CNDP2: variants seen among roughly 807,000 people sequenced by gnomAD.
CNDP2 encodes carnosine dipeptidase 2, also known as cytosolic non-specific dipeptidase.
Under a neutral mutation model 55.0 loss-of-function variants are expected in CNDP2, and 38 were observed. The ratio of observed to expected loss-of-function variants is 0.69; its 90% CI spans 0.53 to 0.90. The LOEUF is 0.90. CNDP2 is among the 40% of genes least tolerant of loss of function. The pLI, the probability that CNDP2 is intolerant of heterozygous loss-of-function variation, is 0.00. For synonymous variants in CNDP2, 241 were observed against 260.2 expected, an observed-to-expected ratio of 0.93 and a Z score of 0.71; for missense variants, 607 against 621.7, an observed-to-expected ratio of 0.98 and a Z score of 0.25.
intron 2 of CNDP2, 137 bp from the exon 3 acceptor site, chr18:74,501,192 T>C (rs746304988): frequency 6.9e-7 from 1 of 1,439,146 alleles, no homozygotes; most frequent in African/African-American, 1.4e-5. Context: ...ACGTGATGGG[T>C]CTGTCCTATT....
rs1386525216 is a variant in CNDP2 at position 74,512,511 on chromosome 18, ACTGATCTCATTTTG to A, written c.727_740del (p.Leu243GlyfsTer16). On this transcript the variant is annotated frameshift_variant, in exon 7 of 12. Transcript: ENST00000324262. LOFTEE classifies it high-confidence loss of function. Reference sequence around the variant, plus strand: ...CGGGGGCTCGGTGCATGAGGCCATGACTGATCTCATTTTGCTGATGGGTAAGTGCGGGATGGCAT... The same window carrying A: ...CGGGGGCTCGGTGCATGAGGCCATGACTGATGGGTAAGTGCGGGATGGCAT... 6.2e-7 allele frequency: 1 copy of A among 1,613,886 alleles called. No individual in the cohort carries two copies. Among genetic ancestry groups the A allele is most frequent in the Admixed American group, 1.7e-5 (1 of 60,000 alleles).
At chr18:74,518,743 G>C in intron 10 of CNDP2, 103 bp downstream of exon 10, 2 of 1,502,142 alleles carry the variant, frequency 1.3e-6, no homozygotes, top group South Asian at 2.4e-5. Flanking sequence ...GGGCGCTGCT[G>C]TATCGTGGGG....
At chr18:74,512,744 G>A (rs1375557363) in intron 7 of CNDP2, among the ~76,000 whole-genome samples, 4 of 152,062 alleles carry the variant, frequency 2.6e-5, no homozygotes, top group African/African-American at 9.7e-5. Context: ...TCCTGTGCCT[G>A]TCACCACCTG....
In CNDP2 at chr18:74,512,467, AC is replaced by A; in HGVS notation, c.679del (p.Leu227SerfsTer14). The part of the protein sequence containing the change: ...FFIEVECSNK[D>X]LHSGVYGGSV... ...GTGCAGGTGGAGTGCAGCAACAAAG[AC>A]CTCCATTCTGGGGTGTACGGGGGCT... On this transcript the variant is annotated frameshift_variant, in exon 7 of 12. Coordinates refer to ENST00000324262, the MANE Select transcript of CNDP2 (RefSeq NM_018235.3). LOFTEE classifies it high-confidence loss of function. The A allele has an allele frequency of 6.2e-7, 1 of 1,613,152 alleles. No homozygotes were observed. Among genetic ancestry groups the A allele is most frequent in the Non-Finnish European group, 8.5e-7 (1 of 1,179,606 alleles).
chr18:74,518,430 AGGT>A, intron 9 of CNDP2, 66 bp from the exon 10 acceptor site: 1 of 1,584,270 alleles, frequency 6.3e-7, no homozygotes, highest in East Asian at 2.2e-5. Context: ...GCAGACCCGT[AGGT>A]CACTAGCACT....
chr18:74,512,008 C>T (rs1979382051), intron 6 of CNDP2: 1 of 157,618 alleles, frequency 6.3e-6, no homozygotes, highest in Non-Finnish European at 1.4e-5. Context: ...GCGAGGAGGC[C>T]GGGCACTCAG....
At chr18:74,519,146 T>A in intron 11 of CNDP2, 50 bp downstream of exon 11, 9 of 1,538,860 alleles carry the variant, frequency 5.8e-6, no homozygotes, top group Non-Finnish European at 7.9e-6. Flanking sequence ...ACAGCGTCCC[T>A]CTCGCCCCTT....
intron 9 of CNDP2, 179 bp from the exon 10 acceptor site, chr18:74,518,320 C>T (rs1339931637): frequency 5.2e-6 from 3 of 579,890 alleles, no homozygotes; most frequent in Non-Finnish European, 6.0e-6. Flanking sequence ...TTATGTAGCT[C>T]AGTATTAAGC....
intron 8 of CNDP2, among the ~76,000 whole-genome samples, chr18:74,514,645 G>C (rs1293085995): frequency 5.9e-5 from 9 of 151,864 alleles, no homozygotes; most frequent in African/African-American, 2.2e-4. Context: ...AAGTTCTGCA[G>C]GCTGTAGGGT....
At chr18:74,501,542 C>G in intron 3 of CNDP2, 70 bp downstream of exon 3, 3 of 1,515,072 alleles carry the variant, frequency 2.0e-6, no homozygotes, top group Non-Finnish European at 2.7e-6. Flanking sequence ...CAAGACGCCA[C>G]AAGTTCTTAA....
intron 11 of CNDP2, among the ~76,000 whole-genome samples, 178 bp downstream of exon 11, chr18:74,519,274 C>T (rs1979915743): frequency 1.3e-5 from 2 of 152,190 alleles, no homozygotes; most frequent in Non-Finnish European, 2.9e-5. Flanking sequence ...CGAGGCCTTG[C>T]AGGAGAGGGG....
rs143393947 is a variant in CNDP2 at position 74,508,924 on chromosome 18, G to A, written c.452G>A (p.Gly151Asp). ...INALEAYQKT[G>D]QEIPVNVRFC... is the part of the protein sequence containing the mutation. ...GCCCTGGAAGCGTATCAGAAAACAG[G>A]CCAGGTATGCCCCCCACGCTGACTT... is the stretch of plus-strand genomic sequence containing the variant. The change falls in exon 5 of 12, where the codon GGC becomes GAC. Residue 151 changes from glycine to aspartate, a missense_variant. By Grantham distance (94) the Gly-to-Asp change is moderately conservative. Coordinates refer to ENST00000324262, the MANE Select transcript of CNDP2 (RefSeq NM_018235.3). 5.2e-5 allele frequency: 84 copies of A among 1,613,672 alleles called. No homozygotes were observed. The highest frequency in any genetic ancestry group is 7.0e-5 in the Non-Finnish European group (82 of 1,179,846).
intron 9 of CNDP2, chr18:74,518,127 G>A (rs144446650): frequency 0.013 from 2,106 of 159,642 alleles, 22 homozygotes; most frequent in Non-Finnish European, 0.017. Flanking sequence ...CGGGTGTGGT[G>A]GCGGGCGCCT....
chr18:74,512,442 G>T lies in CNDP2; in HGVS notation c.658-6G>T, dbSNP rs368623246. Reference sequence around the variant, plus strand: ...GCCAGACACAGTGGCCTTTGTTTCCGTGCAGGTGGAGTGCAGCAACAAAGA... The same window carrying T: ...GCCAGACACAGTGGCCTTTGTTTCCTTGCAGGTGGAGTGCAGCAACAAAGA... On this transcript the variant is annotated splice_region_variant and splice_polypyrimidine_tract_variant and intron_variant, in intron 6 of 11. Coordinates refer to ENST00000324262, the MANE Select transcript of CNDP2 (RefSeq NM_018235.3). 6.2e-7 allele frequency: 1 copy of T among 1,612,238 alleles called. No homozygotes were observed. Among genetic ancestry groups the T allele is most frequent in the Admixed American group, 1.7e-5 (1 of 59,840 alleles).
At chr18:74,511,232 A>G (rs1175069905) in intron 6 of CNDP2, 1 of 566,628 alleles carries the variant, frequency 1.8e-6, no homozygotes, top group African/African-American at 1.9e-5. Flanking sequence ...AGCAGCATCA[A>G]GGTAGGACAG....
At chr18:74,518,111 A>C (rs149434537) in intron 9 of CNDP2, 2,062 of 159,190 alleles carry the variant, frequency 0.013, 45 homozygotes, top group African/African-American at 0.045. Flanking sequence ...AAAGACAAAA[A>C]TTAGCCGGGT....
chr18:74,516,395 ATGTGGGGCTGGGACACGGGG>A lies in CNDP2; in HGVS notation c.1068+6_1068+25del. On this transcript the variant is annotated splice_donor_5th_base_variant and intron_variant, in intron 9 of 11. Coordinates refer to ENST00000324262, the MANE Select transcript of CNDP2 (RefSeq NM_018235.3). ...CTCCTGAAGTCGTCGGCGAGCAGGCATGTGGGGCTGGGACACGGGGTGGGGGCCAAGAGCTACTGTGTCCG... is the reference window on the plus strand; with the variant it reads ...CTCCTGAAGTCGTCGGCGAGCAGGCATGGGGGCCAAGAGCTACTGTGTCCG... 1.2e-6 allele frequency: 2 copies of A among 1,606,196 alleles called. No individual in the cohort carries two copies. Among genetic ancestry groups the A allele is most frequent in the Non-Finnish European group, 1.7e-6 (2 of 1,175,242 alleles).
intron 3 of CNDP2, 107 bp downstream of exon 3, chr18:74,501,579 T>C (rs1978703257): frequency 1.4e-6 from 2 of 1,404,992 alleles, no homozygotes; most frequent in Middle Eastern, 1.9e-4. Flanking sequence ...CATACCCCAC[T>C]CACCTTTAAA....
chr18:74,506,016 G>A lies in CNDP2; in HGVS notation c.367+5G>A, dbSNP rs1483480011. 6.4e-7 allele frequency: 1 copy of A among 1,564,716 alleles called. No individual in the cohort carries two copies. The highest frequency in any genetic ancestry group is 1.2e-5 in the South Asian group (1 of 83,504). On this transcript the variant is annotated splice_donor_5th_base_variant and intron_variant, in intron 4 of 11. Transcript: ENST00000324262. ...TCACCCTGGTGGAGCGAGACGGTGA[G>A]CGCCGCGCGCCTATGCGTGCCCAGA...
Sources: gnomAD v4.1 joint callset for allele counts (sites outside exome capture counted in the v4.1 genomes callset) on GRCh38, gnomAD v4.1.1 for gene constraint, MANE v1.5 for transcripts, NCBI Gene and HGNC (gene_info 2026-07-23, HGNC 2026-07-21) for gene names.